PCDH9: variants seen among roughly 807,000 people sequenced by gnomAD.
PCDH9 encodes protocadherin-9.
In PCDH9, 24 loss-of-function variants were observed where a neutral mutation model predicts 70.6. That is an observed-to-expected ratio of 0.34 (90% CI 0.25 to 0.48). The LOEUF (loss-of-function observed/expected upper bound fraction) is 0.48. Among genes scored for constraint, PCDH9 ranks in the 20% least tolerant of loss-of-function variants. The pLI is 0.99. For synonymous variants in PCDH9, 562 were observed against 558.5 expected, an observed-to-expected ratio of 1.01 and a Z score of -0.09; for missense variants, 1,281 against 1,503.6, an observed-to-expected ratio of 0.85 and a Z score of 2.45.
intron 2 of PCDH9, among the ~76,000 whole-genome samples, chr13:67,053,615 C>T (rs2085363543): frequency 6.6e-6 from 1 of 152,110 alleles, no homozygotes; most frequent in African/African-American, 2.4e-5. Flanking sequence ...GAATTAATCT[C>T]CTTCTATATT....
At chr13:66,443,087 G>T (rs2138406666) in intron 4 of PCDH9, among the ~76,000 whole-genome samples, 1 of 152,274 alleles carries the variant, frequency 6.6e-6, no homozygotes, top group Middle Eastern at 3.4e-3. Flanking sequence ...GGGGCTAACT[G>T]CACACATCAG....
At chr13:66,848,927 CAAAAAA>C (rs745587776) in intron 3 of PCDH9, among the ~76,000 whole-genome samples, 42 of 51,304 alleles carry the variant, frequency 8.2e-4, no homozygotes, top group Admixed American at 7.5e-3. Context: ...GACTCCGTCT[CAAAAAA>C]AAAAAAAAAA....
At chr13:67,105,924 T>C (rs983211452) in intron 2 of PCDH9, among the ~76,000 whole-genome samples, 2 of 151,002 alleles carry the variant, frequency 1.3e-5, no homozygotes, top group South Asian at 4.1e-4. Context: ...AATATACATA[T>C]ATATTTATAA....
At chr13:66,998,851 G>A (rs572097910) in intron 2 of PCDH9, among the ~76,000 whole-genome samples, 1 of 151,974 alleles carries the variant, frequency 6.6e-6, no homozygotes, top group East Asian at 1.9e-4. Context: ...TTCTAATGCT[G>A]CCCATGAAGT....
intron 2 of PCDH9, among the ~76,000 whole-genome samples, chr13:67,049,152 A>C (rs2085277219): frequency 6.6e-6 from 1 of 152,226 alleles, no homozygotes; most frequent in African/African-American, 2.4e-5. Flanking sequence ...CCTTTTGTTA[A>C]TACTATGCTT....
rs79458746 is a variant in PCDH9, at chr13:66,876,512, T to C, written c.3138+26992A>G. Reference sequence around the variant, plus strand: ...ATGCCAAAAAGACCAATGGAACTTATGTTTTAGTAGAATGAATTTGAGGAA... The same window carrying C: ...ATGCCAAAAAGACCAATGGAACTTACGTTTTAGTAGAATGAATTTGAGGAA... On this transcript the variant is annotated intron_variant, in intron 3 of 4. Transcript: ENST00000377865. Among the ~76,000 whole-genome samples the C allele has an allele frequency of 8.2e-3, 1,252 of 152,268 alleles. 14 individuals are homozygous for C. The highest frequency in any genetic ancestry group is 0.029 in the African/African-American group (1,195 of 41,566).
At chr13:66,599,028 T>G (rs1182238760) in intron 4 of PCDH9, among the ~76,000 whole-genome samples, 1 of 151,700 alleles carries the variant, frequency 6.6e-6, no homozygotes, top group Non-Finnish European at 1.5e-5. Flanking sequence ...AATCAAGTAA[T>G]TTTTTTTACA....
At chr13:66,961,526 G>T (rs985696111) in intron 2 of PCDH9, among the ~76,000 whole-genome samples, 1 of 152,164 alleles carries the variant, frequency 6.6e-6, no homozygotes. Flanking sequence ...GGGTATGGTG[G>T]CTCAGGTCTA....
At chr13:67,074,128 A>C (rs896944475) in intron 2 of PCDH9, among the ~76,000 whole-genome samples, 1 of 150,216 alleles carries the variant, frequency 6.7e-6, no homozygotes, top group African/African-American at 2.5e-5. Context: ...CTATCTGTCT[A>C]TCTATCTATC....
chr13:66,472,332 G>A (rs1958635884), intron 4 of PCDH9, among the ~76,000 whole-genome samples: 1 of 152,154 alleles, frequency 6.6e-6, no homozygotes, highest in Non-Finnish European at 1.5e-5. Context: ...AACTTTGGGA[G>A]GCTGAGGTGG....
At chr13:67,172,248 G>C (rs1594609679) in intron 2 of PCDH9, among the ~76,000 whole-genome samples, 2 of 152,140 alleles carry the variant, frequency 1.3e-5, no homozygotes, top group African/African-American at 4.8e-5. Context: ...AAAGTAGAAC[G>C]TTGGAAGGCA....
intron 3 of PCDH9, among the ~76,000 whole-genome samples, chr13:66,752,058 G>C (rs148405711): frequency 6.6e-6 from 1 of 152,174 alleles, no homozygotes; most frequent in Admixed American, 6.5e-5. Flanking sequence ...ACACCTGAAT[G>C]ATAGAAAGGG....
intron 2 of PCDH9, among the ~76,000 whole-genome samples, chr13:67,082,452 T>C (rs1186647918): frequency 6.6e-6 from 1 of 152,196 alleles, no homozygotes; most frequent in Admixed American, 6.5e-5. Flanking sequence ...AATATGCCAT[T>C]GTATGTAAGT....
chr13:67,062,106 A>AT (rs1180861477), intron 2 of PCDH9, among the ~76,000 whole-genome samples: 1 of 152,174 alleles, frequency 6.6e-6, no homozygotes. Flanking sequence ...TGCTCCCTTG[A>AT]TTCAGCTTGG....
intron 4 of PCDH9, among the ~76,000 whole-genome samples, chr13:66,597,829 T>C (rs773888376): frequency 6.6e-5 from 10 of 151,696 alleles, no homozygotes; most frequent in Non-Finnish European, 1.3e-4. Flanking sequence ...GCAAACCATA[T>C]ATCTGATAAG....
intron 2 of PCDH9, chr13:67,205,532 C>G (rs1272902605): frequency 6.6e-6 from 1 of 152,190 alleles, no homozygotes; most frequent in African/African-American, 2.4e-5. Flanking sequence ...CTGCTTGTCT[C>G]ATATCAAGAA....
chr13:66,524,134 A>G (rs951745913), intron 4 of PCDH9, among the ~76,000 whole-genome samples: 1 of 146,892 alleles, frequency 6.8e-6, no homozygotes, highest in Admixed American at 6.8e-5. Context: ...TAGCTTTCAT[A>G]CTCTTTTGTC....
At chr13:66,549,640 G>C (rs1290060981) in intron 4 of PCDH9, among the ~76,000 whole-genome samples, 1 of 152,062 alleles carries the variant, frequency 6.6e-6, no homozygotes, top group Admixed American at 6.6e-5. Context: ...AATTTTTTAA[G>C]AGTTTGAATC....
chr13:67,166,366 A>G (rs181267593), intron 2 of PCDH9, among the ~76,000 whole-genome samples: 1 of 152,328 alleles, frequency 6.6e-6, no homozygotes, highest in Admixed American at 6.5e-5. Context: ...AACAAACTGA[A>G]TTCATAAAAT....
Sources: allele counts gnomAD v4.1 joint callset (sites outside exome capture counted in the v4.1 genomes callset), GRCh38; gene constraint gnomAD v4.1.1; transcripts MANE v1.5; gene names NCBI Gene and HGNC (gene_info 2026-07-23, HGNC 2026-07-21).